FARP1: variants seen among roughly 807,000 people sequenced by gnomAD.
FARP1 encodes FERM, ARH/RhoGEF and pleckstrin domain protein 1.
Under a neutral mutation model 128.8 loss-of-function variants are expected in FARP1, and 52 were observed. The observed-to-expected ratio is 0.40, with a 90% CI of 0.32 to 0.51. The LOEUF (loss-of-function observed/expected upper bound fraction) is 0.51, where lower values mean the gene tolerates loss of function less well. FARP1 is among the 20% of genes least tolerant of loss of function. The pLI, the probability that FARP1 is intolerant of heterozygous loss-of-function variation, is 0.45. For synonymous variants in FARP1, 580 were observed against 551.8 expected (o/e 1.05, Z -0.72); for missense variants, 1,333 against 1,367.9 (o/e 0.97, Z 0.40).
chr13:98,365,418 C>G lies in FARP1; in HGVS notation c.300C>G (p.Pro100=). 1.2e-6 allele frequency: 2 copies of G among 1,609,584 alleles called. No homozygotes were observed. The highest frequency in any genetic ancestry group is 3.3e-5 in the Admixed American group (2 of 59,986). ...KITVWLDLLK[P]IVKQIRRPKH... ...AGGTGTGGCTGGATCTCCTAAAACC[C>G]ATTGTGAAACAGATTAGAAGTGAGT... The change falls in exon 4 of 27, where the codon CCC becomes CCG. Residue 100 remains proline, a synonymous_variant. Coordinates refer to ENST00000319562, the MANE Select transcript of FARP1 (RefSeq NM_005766.4).
intron 2 of FARP1, among the ~76,000 whole-genome samples, chr13:98,275,964 C>T (rs183689063): frequency 5.9e-5 from 9 of 152,120 alleles, no homozygotes; most frequent in Non-Finnish European, 8.8e-5. Context: ...CAAAGGTCGG[C>T]GGGGGTATGA....
Position 98,410,742 on chromosome 13 carries a change from A to G in FARP1, c.1611A>G (p.Pro537=), listed in dbSNP as rs1451672247. The change falls in exon 15 of 27, where the codon CCA becomes CCG. Residue 537 remains proline (P), a synonymous_variant. Transcript: ENST00000319562. ...DEDEGRRKRF[P]TDKAYFIAKE... Reference sequence around the variant, plus strand: ...TTTGCTGGGTTTTGCAGAGATTCCCAACTGATAAAGCGTACTTCATAGCTA... The same window carrying G: ...TTTGCTGGGTTTTGCAGAGATTCCCGACTGATAAAGCGTACTTCATAGCTA... The G allele has an allele frequency of 1.3e-6, 2 of 1,593,670 alleles. No individual in the cohort carries two copies. The highest frequency in any genetic ancestry group is 2.2e-5 in the East Asian group (1 of 44,760).
intron 2 of FARP1, among the ~76,000 whole-genome samples, chr13:98,226,020 A>G (rs531951337): frequency 6.6e-6 from 1 of 151,020 alleles, no homozygotes; most frequent in South Asian, 2.1e-4. Flanking sequence ...TTCCAGGCTA[A>G]TCCATTCCTT....
intron 8 of FARP1, among the ~76,000 whole-genome samples, chr13:98,387,647 C>T (rs1890147532): frequency 6.6e-6 from 1 of 152,214 alleles, no homozygotes; most frequent in Non-Finnish European, 1.5e-5. Context: ...CCCGTTGTTT[C>T]TCCACCTTGG....
At chr13:98,444,177 G>A (rs1207719267) in intron 24 of FARP1, among the ~76,000 whole-genome samples, 1 of 152,122 alleles carries the variant, frequency 6.6e-6, no homozygotes, top group African/African-American at 2.4e-5. Flanking sequence ...TGTCCTCCCT[G>A]TATCTGCACT....
At chr13:98,324,824 GCTGCATTT>G (rs1887163234) in intron 2 of FARP1, among the ~76,000 whole-genome samples, 2 of 152,214 alleles carry the variant, frequency 1.3e-5, no homozygotes, top group Non-Finnish European at 2.9e-5. Context: ...GTCTTTGGCT[GCTGCATTT>G]CTGACTTGAG....
intron 25 of FARP1, 164 bp from the exon 26 acceptor site, chr13:98,446,502 C>A: frequency 1.4e-6 from 1 of 692,732 alleles, no homozygotes; most frequent in Non-Finnish European, 2.4e-6. Flanking sequence ...GCCACCCGGG[C>A]CATCACGTAC....
At chr13:98,384,492 C>T (rs148304741) in intron 6 of FARP1, 3 of 546,682 alleles carry the variant, frequency 5.5e-6, no homozygotes, top group East Asian at 3.0e-5. Flanking sequence ...TGTGCCTGAC[C>T]TTGAAGCTTC....
chr13:98,409,158 G>A (rs1238609729), intron 13 of FARP1, among the ~76,000 whole-genome samples, 180 bp from the exon 14 acceptor site: 1 of 152,026 alleles, frequency 6.6e-6, no homozygotes, highest in Non-Finnish European at 1.5e-5. Context: ...TCATACTTTG[G>A]TATCTTTATT....
intron 5 of FARP1, among the ~76,000 whole-genome samples, chr13:98,369,074 C>T (rs1231771000): frequency 6.6e-6 from 1 of 151,960 alleles, no homozygotes; most frequent in Non-Finnish European, 1.5e-5. Flanking sequence ...TACAGGTGCC[C>T]ACCACCACAC....
rs535496829 is a variant in FARP1, at chr13:98,450,477, C to G, written c.*2160C>G. 1.3e-5 allele frequency: 2 copies of G among 152,386 alleles called. No homozygotes were observed. The highest frequency in any genetic ancestry group is 2.1e-4 in the South Asian group (1 of 4,826). 9.4% of individuals were successfully genotyped at this position (152,386 alleles called of 1,614,324 possible). A position where few individuals can be genotyped will look rare whatever the true frequency, so the allele number is the denominator to read the frequency against. ...AAGGCAGATGCACTTCCAAGAAAAT[C>G]AGAACCCAGCAAGAAGTGGCCAGTG... On this transcript the variant is annotated 3_prime_UTR_variant, in exon 27 of 27. Coordinates refer to ENST00000319562, the MANE Select transcript of FARP1 (RefSeq NM_005766.4).
intron 2 of FARP1, among the ~76,000 whole-genome samples, chr13:98,218,088 C>T (rs891036268): frequency 6.6e-6 from 1 of 152,154 alleles, no homozygotes; most frequent in African/African-American, 2.4e-5. Context: ...CTCCTACTCC[C>T]ACAGAGGTGG....
intron 16 of FARP1, among the ~76,000 whole-genome samples, chr13:98,416,148 T>C (rs1360151208): frequency 6.6e-6 from 1 of 152,260 alleles, no homozygotes; most frequent in Non-Finnish European, 1.5e-5. Context: ...TAACATCTTA[T>C]GTCACCATAG....
intron 2 of FARP1, among the ~76,000 whole-genome samples, chr13:98,274,669 C>T (rs1417428361): frequency 6.6e-6 from 1 of 152,104 alleles, no homozygotes; most frequent in African/African-American, 2.4e-5. Context: ...CTGAAATCCT[C>T]CCCAGCAGAC....
intron 2 of FARP1, among the ~76,000 whole-genome samples, chr13:98,260,121 T>C (rs544546414): frequency 6.6e-6 from 1 of 152,264 alleles, no homozygotes; most frequent in African/African-American, 2.4e-5. Flanking sequence ...AAGCCTTACA[T>C]TGGGTAAATA....
Position 98,337,370 on chromosome 13 carries a change from C to CA in FARP1, c.172-6385dup, listed in dbSNP as rs551940883. On this transcript the variant is annotated intron_variant, in intron 2 of 26. Transcript: ENST00000319562. The stretch of plus-strand genomic sequence containing the variant: ...CAAGGCGACAGCAATACACTGTCTC[C>CA]AAAAAAATGTTTAAATAACAGAAAT... Among the ~76,000 whole-genome samples the CA allele has an allele frequency of 2.6e-5, 4 of 151,952 alleles. No homozygotes were observed. The South Asian group carries it at 6.3e-4, about 24-fold the overall frequency.
At chr13:98,427,112 A>G (rs1051639211) in intron 17 of FARP1, among the ~76,000 whole-genome samples, 4 of 151,926 alleles carry the variant, frequency 2.6e-5, no homozygotes, top group African/African-American at 9.7e-5. Context: ...ACAAATATAT[A>G]ATGACAGGGA....
At chr13:98,387,161 C>T (rs112235662) in intron 8 of FARP1, among the ~76,000 whole-genome samples, 1 of 152,070 alleles carries the variant, frequency 6.6e-6, no homozygotes, top group African/African-American at 2.4e-5. Context: ...ATTAGCTGGG[C>T]ATGATGGCGT....
In FARP1 at chr13:98,385,873, C is replaced by T. The variant is rs1594474167; in HGVS notation, c.759+59C>T. On this transcript the variant is annotated intron_variant, in intron 8 of 26. Transcript: ENST00000319562. Reference sequence around the variant, plus strand: ...GGTGACAGAGAGAGAAGAGCTGGCCCTTCAACTCTGATTCATATTCAGTGG... The same window carrying T: ...GGTGACAGAGAGAGAAGAGCTGGCCTTTCAACTCTGATTCATATTCAGTGG... The T allele has an allele frequency of 8.3e-6, 13 of 1,567,184 alleles. No individual in the cohort carries two copies. In the East Asian group the frequency reaches 2.9e-4, roughly 35 times the overall value.
Sources: allele counts gnomAD v4.1 joint callset (sites outside exome capture counted in the v4.1 genomes callset), GRCh38; gene constraint gnomAD v4.1.1; transcripts MANE v1.5; gene names NCBI Gene and HGNC (gene_info 2026-07-23, HGNC 2026-07-21).